CDK13: variants seen among roughly 807,000 people sequenced by gnomAD.
CDK13 encodes the protein cyclin-dependent kinase 13.
A neutral mutation model predicts 137.6 loss-of-function variants in CDK13; 40 were observed. The ratio of observed to expected loss-of-function variants is 0.29; its 90% CI spans 0.23 to 0.38. The LOEUF (loss-of-function observed/expected upper bound fraction) is 0.38, where lower values mean the gene tolerates loss of function less well. Among genes scored for constraint, CDK13 ranks in the 10% least tolerant of loss-of-function variants. The pLI is 1.00. For missense variants in CDK13, 1,704 were observed against 1,951.8 expected, an observed-to-expected ratio of 0.87 and a Z score of 2.39; for synonymous variants, 869 against 760.1, an observed-to-expected ratio of 1.14 and a Z score of -2.36.
chr7:40,035,862 G>A (rs6966917), intron 5 of CDK13, among the ~76,000 whole-genome samples: 80,356 of 148,328 alleles, frequency 0.54, 23,393 homozygotes, highest in African/African-American at 0.78. Context: ...GTTGGGAATC[G>A]CTGCTTTAAA....
Position 39,997,671 on chromosome 7 carries a change from G to C in CDK13, c.2042+7G>C. 1 of 1,607,852 alleles carries C rather than the reference G, an allele frequency of 6.2e-7. No homozygotes were observed. Among genetic ancestry groups the C allele is most frequent in the Non-Finnish European group, 8.5e-7 (1 of 1,176,628 alleles). On this transcript the variant is annotated splice_region_variant and intron_variant, in intron 3 of 13. Coordinates refer to ENST00000181839, the MANE Select transcript of CDK13 (RefSeq NM_003718.5). The stretch of plus-strand genomic sequence containing the variant: ...ATAGTAAAAGGAGGCCTAAGTATGT[G>C]CTTGCTTTCTACCTGCTCTTAAATT...
chr7:39,951,259 T>C lies in CDK13; in HGVS notation c.618T>C (p.Ser206=). The change falls in exon 1 of 14, where the codon AGT becomes AGC. Residue 206 remains serine (S), a synonymous_variant. Coordinates refer to ENST00000181839, the MANE Select transcript of CDK13 (RefSeq NM_003718.5). The part of the protein sequence containing the change: ...RRPRRDRRSS[S]GRSKERHREH... Reference sequence around the variant, plus strand: ...CCCGCCGGGACCGCCGCAGCAGCAGTGGCCGCAGCAAGGAGCGCCACCGCG... The same window carrying C: ...CCCGCCGGGACCGCCGCAGCAGCAGCGGCCGCAGCAAGGAGCGCCACCGCG... The C allele has an allele frequency of 7.5e-7, 1 of 1,327,742 alleles. No homozygotes were observed. The highest frequency in any genetic ancestry group is 9.6e-7 in the Non-Finnish European group (1 of 1,045,434). 82.2% of individuals were successfully genotyped at this position (1,327,742 alleles called of 1,614,324 possible).
At chr7:40,070,642 G>C (rs1016319224) in intron 9 of CDK13, 1 of 150,358 alleles carries the variant, frequency 6.7e-6, no homozygotes, top group Non-Finnish European at 1.5e-5. Context: ...AACCTGGAAG[G>C]TGGAGGCTGC....
At chr7:39,970,276 C>T (rs113495959) in intron 1 of CDK13, among the ~76,000 whole-genome samples, 14 of 152,062 alleles carry the variant, frequency 9.2e-5, no homozygotes, top group African/African-American at 3.1e-4. Flanking sequence ...GGATTACAGG[C>T]GTGAGCCAGC....
intron 5 of CDK13, among the ~76,000 whole-genome samples, chr7:40,042,887 C>T (rs562454323): frequency 2.0e-5 from 3 of 151,900 alleles, no homozygotes; most frequent in South Asian, 2.1e-4. Context: ...AAGTAGTCCT[C>T]CTGCCTCAGC....
intron 6 of CDK13, among the ~76,000 whole-genome samples, chr7:40,047,012 C>CAAAA (rs398040131): frequency 0.28 from 18,277 of 65,450 alleles, 2,538 homozygotes; most frequent in Non-Finnish European, 0.38. Context: ...GACTCGGTCT[C>CAAAA]AAAAAAAAAA....
At chr7:40,014,058 CTTTTTTTTTTTTT>C (rs927741062) in intron 5 of CDK13, among the ~76,000 whole-genome samples, 4 of 60,936 alleles carry the variant, frequency 6.6e-5, no homozygotes, top group South Asian at 6.2e-4. Context: ...GCTGTCTTGT[CTTTTTTTTTTTTT>C]TTTTTTTTTT....
chr7:40,082,738 C>T (rs1308199562), intron 11 of CDK13, among the ~76,000 whole-genome samples: 1 of 150,462 alleles, frequency 6.6e-6, no homozygotes, highest in Non-Finnish European at 1.5e-5. Context: ...TTGCAGTGAG[C>T]CAAGATCTTG....
In CDK13 at chr7:40,089,698, TAGAGAGAGAG is replaced by T. The variant is rs58490010; in HGVS notation, c.3235+1384_3235+1393del. Among the ~76,000 whole-genome samples the T allele has an allele frequency of 1.0e-3, 146 of 140,586 alleles. 1 individual carries two copies. Among genetic ancestry groups the T allele is most frequent in the Middle Eastern group, 3.6e-3 (1 of 276 alleles). The allele number at this position is 140,586 out of a possible 152,430, so 92.2% of individuals were successfully genotyped here. A position where few individuals can be genotyped will look rare whatever the true frequency, so the allele number is the denominator to read the frequency against. ...TATGAAAACAGAGACTGATATAAAA[TAGAGAGAGAG>T]AGAGAGAGAGAGAGAGTGTGTGTGT... On this transcript the variant is annotated intron_variant, in intron 12 of 13. Coordinates refer to ENST00000181839, the MANE Select transcript of CDK13 (RefSeq NM_003718.5).
intron 4 of CDK13, among the ~76,000 whole-genome samples, chr7:40,001,278 A>G (rs939880543): frequency 4.7e-5 from 7 of 149,100 alleles, no homozygotes; most frequent in African/African-American, 1.5e-4. Flanking sequence ...TGCAGAGTGC[A>G]GTGGCGTGTC....
At chr7:39,984,336 A>G (rs984504856) in intron 1 of CDK13, 1 of 152,016 alleles carries the variant, frequency 6.6e-6, no homozygotes, top group Admixed American at 6.6e-5. Context: ...CTTTAGCCCA[A>G]GAAGTCGAGG....
intron 2 of CDK13, among the ~76,000 whole-genome samples, chr7:39,990,821 G>C (rs989945277): frequency 6.6e-5 from 10 of 152,162 alleles, no homozygotes; most frequent in African/African-American, 2.4e-4. Flanking sequence ...AATTTTGCAA[G>C]CTGTAAAGTG....
chr7:40,050,075 G>A (rs921493688), intron 7 of CDK13, among the ~76,000 whole-genome samples: 1 of 151,958 alleles, frequency 6.6e-6, no homozygotes, highest in Non-Finnish European at 1.5e-5. Flanking sequence ...CACCTCCGGG[G>A]TCCAAGTGAT....
intron 4 of CDK13, among the ~76,000 whole-genome samples, chr7:40,000,981 G>A (rs1784672762): frequency 6.6e-6 from 1 of 152,100 alleles, no homozygotes; most frequent in African/African-American, 2.4e-5. Context: ...GTGTAGTGGG[G>A]AAGAACATAT....
rs371453177 is a variant in CDK13, at chr7:40,001,436, C to T, written c.2183-425C>T. Among the ~76,000 whole-genome samples, 165 of 152,114 alleles carry T rather than the reference C, an allele frequency of 1.1e-3. 6 individuals carry two copies. In the South Asian group the frequency reaches 0.028, roughly 26 times the overall value. Reference sequence around the variant, plus strand: ...TTCACTATGTTGGCCAGGCTGATCTCGAACTCCTGACCTCGTGATCTGCCC... The same window carrying T: ...TTCACTATGTTGGCCAGGCTGATCTTGAACTCCTGACCTCGTGATCTGCCC... On this transcript the variant is annotated intron_variant, in intron 4 of 13. Coordinates refer to ENST00000181839, the MANE Select transcript of CDK13 (RefSeq NM_003718.5).
Position 40,094,351 on chromosome 7 carries a change from C to A in CDK13, c.3910C>A (p.Gln1304Lys), listed in dbSNP as rs1272383007. Residue 1304 changes from glutamine to lysine, a missense_variant, in exon 14 of 14, where the codon CAG becomes AAG. Gln to Lys is a moderately conservative substitution (Grantham distance 53). Around this residue, in one of 5 missense-constraint regions of CDK13, gnomAD observed 475 missense variants for 579.3 expected, o/e 0.82. Coordinates refer to ENST00000181839, the MANE Select transcript of CDK13 (RefSeq NM_003718.5). ...TGCCGGAGTGAAGGCAGCCCTGTTA[C>A]AGCTGCTTGCTCAGCATCAGCCCCA... ...PHAGVKAALL[Q>K]LLAQHQPQDD... The A allele has an allele frequency of 4.3e-6, 7 of 1,613,822 alleles. No individual in the cohort carries two copies. The African/African-American group carries it at 6.7e-5, about 15-fold the overall frequency.
chr7:40,023,444 CCT>C (rs984509571), intron 5 of CDK13, among the ~76,000 whole-genome samples: 10 of 151,760 alleles, frequency 6.6e-5, no homozygotes, highest in African/African-American at 2.4e-4. Context: ...GAAGTTTATA[CCT>C]CTGATATTTT....
intron 11 of CDK13, among the ~76,000 whole-genome samples, chr7:40,082,877 G>A (rs1786697884): frequency 6.6e-6 from 1 of 151,518 alleles, no homozygotes; most frequent in South Asian, 2.1e-4. Context: ...AAGGCAGGTG[G>A]ATCCCTTGAG....
At chr7:40,043,721 T>TGGAAGG (rs1164383465) in intron 5 of CDK13, among the ~76,000 whole-genome samples, 12 of 151,374 alleles carry the variant, frequency 7.9e-5, no homozygotes, top group Admixed American at 7.9e-4. Flanking sequence ...CAACTATACT[T>TGGAAGG]GGAAGGCTGA....
Sources: allele counts gnomAD v4.1 joint callset (sites outside exome capture counted in the v4.1 genomes callset), GRCh38; gene constraint gnomAD v4.1.1; regional missense constraint gnomAD v4.1.1; transcripts MANE v1.5; gene names NCBI Gene and HGNC (gene_info 2026-07-23, HGNC 2026-07-21).